The following NTRK3 variants were observed in gnomAD, a reference collection of about 807,000 sequenced individuals.
NTRK3 encodes neurotrophic receptor tyrosine kinase 3, also known as NT-3 growth factor receptor.
A neutral mutation model predicts 91.7 loss-of-function variants in NTRK3; 24 were observed. The ratio of observed to expected loss-of-function variants is 0.26; its 90% CI spans 0.19 to 0.37. The LOEUF is 0.37. NTRK3 is among the 10% of genes least tolerant of loss of function. The probability of loss-of-function intolerance (pLI) is 1.00; values close to 1 mark genes in which losing one functional copy is unlikely to be tolerated. For missense variants in NTRK3, 880 were observed against 1,068.9 expected, an observed-to-expected ratio of 0.82 and a Z score of 2.46; for synonymous variants, 483 against 404.0, an observed-to-expected ratio of 1.20 and a Z score of -2.34.
rs1055298049 is a variant in NTRK3, at chr15:88,233,541, T to TC, written c.248+22364dup. Among the ~76,000 whole-genome samples the TC allele has an allele frequency of 1.3e-5, 2 of 151,964 alleles. No individual in the cohort carries two copies. The highest frequency in any genetic ancestry group is 2.9e-5 in the Non-Finnish European group (2 of 67,990). ...CCTCTAATCCCCCAGCTGCAGAGACTCCCCCAAGGACTTCCTAGTTGCCAC... is the reference window on the plus strand; with the variant it reads ...CCTCTAATCCCCCAGCTGCAGAGACTCCCCCCAAGGACTTCCTAGTTGCCAC... On this transcript the variant is annotated intron_variant, in intron 3 of 18. Transcript: ENST00000394480. The surrounding 1 kb of genome is among the most constrained non-coding windows in gnomAD (Gnocchi z 4.2).
chr15:88,066,999 A>G (rs1240059609), intron 13 of NTRK3, among the ~76,000 whole-genome samples: 2 of 152,006 alleles, frequency 1.3e-5, no homozygotes, highest in African/African-American at 2.4e-5. Context: ...ACCTTGCCAC[A>G]TTCTCCCAGG....
intron 3 of NTRK3, among the ~76,000 whole-genome samples, chr15:88,191,572 T>C (rs2047393802): frequency 1.3e-5 from 2 of 152,196 alleles, no homozygotes; most frequent in Admixed American, 1.3e-4. Context: ...GGAATTCCAT[T>C]TCCTAACAAG....
At chr15:87,890,150 G>C (rs2065780315) in intron 17 of NTRK3, among the ~76,000 whole-genome samples, 1 of 151,870 alleles carries the variant, frequency 6.6e-6, no homozygotes, top group Non-Finnish European at 1.5e-5. Flanking sequence ...ATTAGATCTA[G>C]GTTCATAAAT....
intron 14 of NTRK3, among the ~76,000 whole-genome samples, chr15:87,996,139 G>A (rs896300231): frequency 6.6e-6 from 1 of 152,158 alleles, no homozygotes; most frequent in African/African-American, 2.4e-5. Flanking sequence ...AGCTACTTGG[G>A]AGGCTGAGGC....
intron 5 of NTRK3, among the ~76,000 whole-genome samples, chr15:88,173,575 G>A (rs1402248509): frequency 6.6e-6 from 1 of 152,226 alleles, no homozygotes; most frequent in Non-Finnish European, 1.5e-5. Flanking sequence ...CAGCCAGTAG[G>A]CTAAGGGGCA....
At chr15:87,911,509 C>A (rs1240842274) in intron 17 of NTRK3, among the ~76,000 whole-genome samples, 1 of 152,224 alleles carries the variant, frequency 6.6e-6, no homozygotes, top group African/African-American at 2.4e-5. Context: ...GTAGGACGGT[C>A]TGTTCCATTT....
At chr15:87,879,445 T>C (rs1013412973) in intron 18 of NTRK3, among the ~76,000 whole-genome samples, 2 of 152,218 alleles carry the variant, frequency 1.3e-5, no homozygotes, top group African/African-American at 4.8e-5. Flanking sequence ...TGATGGGCTT[T>C]GGAGGCAGAG....
chr15:88,036,374 T>A (rs1266410267), intron 13 of NTRK3, among the ~76,000 whole-genome samples: 1 of 151,798 alleles, frequency 6.6e-6, no homozygotes, highest in Non-Finnish European at 1.5e-5. Context: ...TACAGAGCAA[T>A]TCCTTCAACA....
chr15:87,957,956 CT>C lies in NTRK3; in HGVS notation c.1586-17204del, dbSNP rs1402915768. 4.6e-5 allele frequency among the ~76,000 whole-genome samples: 7 copies of C among 152,102 alleles called. No individual in the cohort carries two copies. In the East Asian group the frequency reaches 1.4e-3, roughly 29 times the overall value. On this transcript the variant is annotated intron_variant, in intron 14 of 18. Transcript: ENST00000394480. Reference sequence around the variant, plus strand: ...CCTCCGAGGAGAGGAACTCAGGTGACTTAGGAGAGAACAAAAGGGAGCCTAT... The same window carrying C: ...CCTCCGAGGAGAGGAACTCAGGTGACTAGGAGAGAACAAAAGGGAGCCTAT...
At chr15:87,991,028 G>A (rs553186638) in intron 14 of NTRK3, among the ~76,000 whole-genome samples, 1 of 152,048 alleles carries the variant, frequency 6.6e-6, no homozygotes, top group Non-Finnish European at 1.5e-5. Context: ...GTCACCAATG[G>A]TTACCCCATG....
chr15:88,049,183 T>C (rs1304116010), intron 13 of NTRK3, among the ~76,000 whole-genome samples: 1 of 152,174 alleles, frequency 6.6e-6, no homozygotes, highest in Non-Finnish European at 1.5e-5. Context: ...CCTGCTCAAA[T>C]GGACCGCATG....
chr15:88,023,959 G>A (rs2077805028), intron 14 of NTRK3, among the ~76,000 whole-genome samples: 1 of 152,200 alleles, frequency 6.6e-6, no homozygotes, highest in Non-Finnish European at 1.5e-5. Context: ...CCATTATGCT[G>A]AGTTAAGTGG....
At chr15:87,992,035 T>G (rs999443023) in intron 14 of NTRK3, among the ~76,000 whole-genome samples, 14 of 151,952 alleles carry the variant, frequency 9.2e-5, no homozygotes, top group Non-Finnish European at 1.5e-4. Context: ...TTAGGGCCAC[T>G]GTTTGGGGGC....
At chr15:88,083,698 C>T (rs1306219750) in intron 13 of NTRK3, among the ~76,000 whole-genome samples, 1 of 152,172 alleles carries the variant, frequency 6.6e-6, no homozygotes, top group East Asian at 1.9e-4. Context: ...AAAGTCACTG[C>T]AAGAGTTAGA....
chr15:88,074,955 T>A (rs574444177), intron 13 of NTRK3, among the ~76,000 whole-genome samples: 11 of 152,230 alleles, frequency 7.2e-5, no homozygotes, highest in African/African-American at 2.4e-4. Flanking sequence ...ACTTTCTACA[T>A]CTCCCGGCAC....
intron 13 of NTRK3, among the ~76,000 whole-genome samples, chr15:88,092,162 C>G (rs1387985926): frequency 2.6e-5 from 4 of 152,160 alleles, no homozygotes; most frequent in African/African-American, 9.7e-5. Flanking sequence ...CAGCCTCAAG[C>G]TTCTCAACAA....
At chr15:88,138,532 T>C (rs993415168) in intron 6 of NTRK3, among the ~76,000 whole-genome samples, 5 of 152,166 alleles carry the variant, frequency 3.3e-5, no homozygotes, top group African/African-American at 4.8e-5. Flanking sequence ...CCATTCTCCA[T>C]CATCTCTGAC....
chr15:88,151,085 G>A (rs981197889), intron 5 of NTRK3, among the ~76,000 whole-genome samples: 10 of 151,976 alleles, frequency 6.6e-5, no homozygotes, highest in Admixed American at 1.3e-4. Context: ...ATTATCACCC[G>A]TCTCTGACTT....
At chr15:88,079,836 A>C (rs1450335238) in intron 13 of NTRK3, among the ~76,000 whole-genome samples, 1 of 152,250 alleles carries the variant, frequency 6.6e-6, no homozygotes, top group Non-Finnish European at 1.5e-5. Flanking sequence ...GAAAATAAAA[A>C]TAAAAATCAC....
Sources: allele counts gnomAD v4.1 joint callset (sites outside exome capture counted in the v4.1 genomes callset), GRCh38; gene constraint gnomAD v4.1.1; non-coding constraint Gnocchi (gnomAD v3.1); transcripts MANE v1.5; gene names NCBI Gene and HGNC (gene_info 2026-07-23, HGNC 2026-07-21).